KCNQ1: variants seen among roughly 807,000 people sequenced by gnomAD.
KCNQ1 encodes the protein potassium voltage-gated channel subfamily KQT member 1.
KCNQ1 carries 49 observed loss-of-function variants against 72.4 expected under a neutral mutation model. The ratio of observed to expected loss-of-function variants is 0.68; its 90% CI spans 0.54 to 0.86. The LOEUF (loss-of-function observed/expected upper bound fraction) is 0.86, where lower values mean the gene tolerates loss of function less well. Ranked by LOEUF, KCNQ1 falls within the 40% of genes least tolerant of loss-of-function variation. The probability of loss-of-function intolerance (pLI) is 0.00; values close to 1 mark genes in which losing one functional copy is unlikely to be tolerated. For synonymous variants in KCNQ1, 450 were observed against 412.6 expected (o/e 1.09, Z -1.10); for missense variants, 790 against 945.1 (o/e 0.84, Z 2.15).
rs977022067 is a variant in KCNQ1 at position 2,713,192 on chromosome 11, G to A, written c.1514+51111G>A. Among the ~76,000 whole-genome samples the A allele has an allele frequency of 2.6e-5, 4 of 152,132 alleles. No homozygotes were observed. Among genetic ancestry groups the A allele is most frequent in the Non-Finnish European group, 5.9e-5 (4 of 68,020 alleles). ...CTGGGATGTGGCTTCCGTGGACTGA[G>A]CAGCCTGGAGCCCCTACTTGCTTGG... On this transcript the variant is annotated intron_variant, in intron 11 of 15. Coordinates refer to ENST00000155840, the MANE Select transcript of KCNQ1 (RefSeq NM_000218.3). This position sits in a 1 kb window ranked among gnomAD's most constrained non-coding sequence, Gnocchi z 5.6.
Position 2,547,379 on chromosome 11 carries a change from C to T in KCNQ1, c.477+19361C>T, listed in dbSNP as rs548190987. Among the ~76,000 whole-genome samples the T allele has an allele frequency of 8.0e-4, 121 of 151,948 alleles. No homozygotes were observed. The highest frequency in any genetic ancestry group is 1.5e-3 in the Non-Finnish European group (102 of 67,964). On this transcript the variant is annotated intron_variant, in intron 2 of 15. Transcript: ENST00000155840. This position sits in a 1 kb window ranked among gnomAD's most constrained non-coding sequence, Gnocchi z 4.2. The stretch of plus-strand genomic sequence containing the variant: ...CCAAGTAGCTGGGATTATAGGTGGG[C>T]GCCACCACACCTGGCTAATTTTTTT...
chr11:2,646,879 A>G (rs1849674254), intron 10 of KCNQ1: 2 of 398,524 alleles, frequency 5.0e-6, no homozygotes, highest in Non-Finnish European at 8.8e-6. Flanking sequence ...TACCAGTTCT[A>G]AAAGATTTTG....
intron 15 of KCNQ1, among the ~76,000 whole-genome samples, chr11:2,805,359 G>A (rs1847350906): frequency 6.6e-6 from 1 of 152,172 alleles, no homozygotes; most frequent in African/African-American, 2.4e-5. Context: ...CGACGGAGAG[G>A]GACGACATTT....
In KCNQ1 at chr11:2,488,898, A is replaced by C. The variant is rs1304025298; in HGVS notation, c.387-39030A>C. On this transcript the variant is annotated intron_variant, in intron 1 of 15. Transcript: ENST00000155840. This position sits in a 1 kb window ranked among gnomAD's most constrained non-coding sequence, Gnocchi z 5.1. ...TCTTTCTTCTGCTAGCTTTGGGTTT[A>C]GTTCTTTTGCTAGTTCCTTAAGTGG... Among the ~76,000 whole-genome samples, 1 of 152,032 alleles carries C rather than the reference A, an allele frequency of 6.6e-6. No homozygotes were observed. Among genetic ancestry groups the C allele is most frequent in the Non-Finnish European group, 1.5e-5 (1 of 67,994 alleles).
Position 2,682,392 on chromosome 11 carries a change from T to A in KCNQ1, c.1514+20311T>A. ...ATCACATTCAAGGAGCATGAGGGTA[T>A]AGGCTGGCTGTTTCTATTCAGTGTT... On this transcript the variant is annotated intron_variant, in intron 11 of 15. Coordinates refer to ENST00000155840, the MANE Select transcript of KCNQ1 (RefSeq NM_000218.3). The surrounding 1 kb of genome is among the most constrained non-coding windows in gnomAD (Gnocchi z 5.8). The A allele has an allele frequency of 2.5e-6, 1 of 398,684 alleles. No homozygotes were observed. Among genetic ancestry groups the A allele is most frequent in the African/African-American group, 2.1e-5 (1 of 48,760 alleles). 24.7% of individuals were successfully genotyped at this position (398,684 alleles called of 1,614,324 possible). A position where few individuals can be genotyped will look rare whatever the true frequency, so the allele number is the denominator to read the frequency against.
chr11:2,747,865 A>G (rs1304091360), intron 11 of KCNQ1, among the ~76,000 whole-genome samples: 1 of 152,088 alleles, frequency 6.6e-6, no homozygotes, highest in Non-Finnish European at 1.5e-5. Flanking sequence ...GCCCAGCCTC[A>G]GGAGCCAGGA....
At chr11:2,667,441 T>C (rs1421315377) in intron 11 of KCNQ1, 1 of 398,588 alleles carries the variant, frequency 2.5e-6, no homozygotes, top group African/African-American at 2.1e-5. Flanking sequence ...ATGATGCTGC[T>C]CAGGTCCTCA....
chr11:2,679,514 G>A lies in KCNQ1; in HGVS notation c.1514+17433G>A. The A allele has an allele frequency of 2.5e-6, 1 of 398,588 alleles. No homozygotes were observed. Among genetic ancestry groups the A allele is most frequent in the Middle Eastern group, 6.3e-4 (1 of 1,588 alleles). 24.7% of individuals were successfully genotyped at this position (398,588 alleles called of 1,614,324 possible). ...AGTAGTGACACAGTGTTACTTAAAT[G>A]TATTGCTATACCTCATGATGGCCAT... On this transcript the variant is annotated intron_variant, in intron 11 of 15. Coordinates refer to ENST00000155840, the MANE Select transcript of KCNQ1 (RefSeq NM_000218.3). The surrounding 1 kb of genome is among the most constrained non-coding windows in gnomAD (Gnocchi z 4.8).
chr11:2,510,068 G>A (rs1847173154), intron 1 of KCNQ1, among the ~76,000 whole-genome samples: 1 of 151,780 alleles, frequency 6.6e-6, no homozygotes. Context: ...CTAGGAGTTC[G>A]AGACCAGCCT....
chr11:2,445,922 C>T (rs1846030539), intron 1 of KCNQ1, among the ~76,000 whole-genome samples: 1 of 152,172 alleles, frequency 6.6e-6, no homozygotes, highest in African/African-American at 2.4e-5. Flanking sequence ...TCTCAGACCC[C>T]CTGAGGCCCA....
In KCNQ1 at chr11:2,538,272, G is replaced by A. The variant is rs993459298; in HGVS notation, c.477+10254G>A. On this transcript the variant is annotated intron_variant, in intron 2 of 15. Coordinates refer to ENST00000155840, the MANE Select transcript of KCNQ1 (RefSeq NM_000218.3). The surrounding 1 kb of genome is among the most constrained non-coding windows in gnomAD (Gnocchi z 6.7). ...TCTTTGACCTGGAGCAGCCCTGCCC[G>A]GCCTTCCCTTCTTGGTCTCTCTCTT... is the stretch of plus-strand genomic sequence containing the variant. 1.1e-4 allele frequency among the ~76,000 whole-genome samples: 16 copies of A among 152,244 alleles called. No homozygotes were observed. The highest frequency in any genetic ancestry group is 2.2e-4 in the African/African-American group (9 of 41,544).
At chr11:2,607,615 G>A (rs867223081) in intron 10 of KCNQ1, among the ~76,000 whole-genome samples, 1 of 152,112 alleles carries the variant, frequency 6.6e-6, no homozygotes, top group East Asian at 1.9e-4. Context: ...CTTGACCTTG[G>A]ACTTCCAAGC....
chr11:2,693,478 A>G (rs913347574), intron 11 of KCNQ1: 1 of 398,566 alleles, frequency 2.5e-6, no homozygotes, highest in Admixed American at 4.4e-5. Flanking sequence ...AATTGCTACA[A>G]TTAGCAGGAG....
Position 2,691,794 on chromosome 11 carries a change from C to G in KCNQ1, c.1514+29713C>G. The stretch of plus-strand genomic sequence containing the variant: ...CCAGTGGCCATCCACTGCCAGCAAT[C>G]AGAGAATCACAAGCACTGGATCCAA... On this transcript the variant is annotated intron_variant, in intron 11 of 15. Transcript: ENST00000155840. The surrounding 1 kb of genome is among the most constrained non-coding windows in gnomAD (Gnocchi z 6.4). 1 of 398,686 alleles carries G rather than the reference C, an allele frequency of 2.5e-6. No individual in the cohort carries two copies. The highest frequency in any genetic ancestry group is 4.4e-6 in the Non-Finnish European group (1 of 226,130). The allele number at this position is 398,686 out of a possible 1,614,324, so 24.7% of individuals were successfully genotyped here. A position where few individuals can be genotyped will look rare whatever the true frequency, so the allele number is the denominator to read the frequency against.
Position 2,699,643 on chromosome 11 carries a change from CAACCGCGCCGAAGAACCCCCGGGGAG to C in KCNQ1, c.1514+37575_1514+37600del, listed in dbSNP as rs1295518153. 1.6e-4 allele frequency: 59 copies of C among 368,754 alleles called. No homozygotes were observed. Among genetic ancestry groups the C allele is most frequent in the Non-Finnish European group, 2.0e-4 (42 of 212,716 alleles). 22.8% of individuals were successfully genotyped at this position (368,754 alleles called of 1,614,324 possible). ...AACCGCGCCGAAGAACCCCCGGGGA[CAACCGCGCCGAAGAACCCCCGGGGAG>C]AACCGCGCCGAAAAGCCCCGGGTGC... On this transcript the variant is annotated intron_variant, in intron 11 of 15. Transcript: ENST00000155840.
chr11:2,540,071 C>A (rs1360279697), intron 2 of KCNQ1, among the ~76,000 whole-genome samples: 2 of 152,042 alleles, frequency 1.3e-5, no homozygotes, highest in Non-Finnish European at 2.9e-5. Flanking sequence ...CTAGGGAAGT[C>A]ATTGGGGGAT....
Position 2,462,291 on chromosome 11 carries a change from G to C in KCNQ1, c.386+16807G>C, listed in dbSNP as rs1252118141. Among the ~76,000 whole-genome samples the C allele has an allele frequency of 1.3e-5, 2 of 152,178 alleles. No individual in the cohort carries two copies. Among genetic ancestry groups the C allele is most frequent in the Non-Finnish European group, 2.9e-5 (2 of 68,028 alleles). ...TGGACTTGAGTGTGGCTGTGGACGA[G>C]GGCAGCGTCGCCATCAGAGGCGATG... On this transcript the variant is annotated intron_variant, in intron 1 of 15. Transcript: ENST00000155840. This position sits in a 1 kb window ranked among gnomAD's most constrained non-coding sequence, Gnocchi z 8.2.
chr11:2,445,395 G>C lies in KCNQ1; in HGVS notation c.297G>C (p.Pro99=), dbSNP rs778702162. ...PRVSIYSTRR[P]VLARTHVQGR... ...TCTCCATCTACAGCACGCGCCGCCC[G>C]GTGTTGGCGCGCACCCACGTCCAGG... is the stretch of plus-strand genomic sequence containing the variant. Residue 99 remains proline, a synonymous_variant, in exon 1 of 16, where the codon CCG becomes CCC. Coordinates refer to ENST00000155840, the MANE Select transcript of KCNQ1 (RefSeq NM_000218.3). 53 of 1,597,878 alleles carry C rather than the reference G, an allele frequency of 3.3e-5. No homozygotes were observed. Among genetic ancestry groups the C allele is most frequent in the Non-Finnish European group, 4.4e-5 (52 of 1,179,678 alleles).
Position 2,661,177 on chromosome 11 carries a change from G to T in KCNQ1, c.1394-784G>T, listed in dbSNP as rs1274688262. ...TTGGCAGTTAACACTGATGACCTTG[G>T]GGGAGGAAAGCCATTGTGAATCTTT... On this transcript the variant is annotated intron_variant, in intron 10 of 15. Transcript: ENST00000155840. This position sits in a 1 kb window ranked among gnomAD's most constrained non-coding sequence, Gnocchi z 5.9. The T allele has an allele frequency of 1.3e-5, 5 of 398,454 alleles. No homozygotes were observed. Among genetic ancestry groups the T allele is most frequent in the Non-Finnish European group, 2.2e-5 (5 of 226,112 alleles). The allele number at this position is 398,454 out of a possible 1,614,324, so 24.7% of individuals were successfully genotyped here. A position where few individuals can be genotyped will look rare whatever the true frequency, so the allele number is the denominator to read the frequency against.
Sources: gnomAD v4.1 joint callset for allele counts (sites outside exome capture counted in the v4.1 genomes callset) on GRCh38, gnomAD v4.1.1 for gene constraint, Gnocchi (gnomAD v3.1) non-coding constraint, MANE v1.5 for transcripts, NCBI Gene and HGNC (gene_info 2026-07-23, HGNC 2026-07-21) for gene names.